CUX2: variants seen among roughly 807,000 people sequenced by gnomAD.
The protein encoded by CUX2 is homeobox protein cut-like 2.
In CUX2, 40 loss-of-function variants were observed where a neutral mutation model predicts 144.8. That is an observed-to-expected ratio of 0.28 (90% CI 0.21 to 0.36). The LOEUF (loss-of-function observed/expected upper bound fraction) is 0.36. Ranked by LOEUF, CUX2 falls within the 10% of genes least tolerant of loss-of-function variation. The pLI, the probability that CUX2 is intolerant of heterozygous loss-of-function variation, is 1.00. For missense variants in CUX2, 1,615 were observed against 1,994.0 expected (o/e 0.81, Z 3.62); for synonymous variants, 827 against 875.6 (o/e 0.94, Z 0.98).
chr12:111,134,731 A>C (rs955101635), intron 1 of CUX2, among the ~76,000 whole-genome samples: 1 of 152,050 alleles, frequency 6.6e-6, no homozygotes, highest in Non-Finnish European at 1.5e-5. Context: ...GCCCAGGGAG[A>C]CCAACTGAAT....
intron 1 of CUX2, among the ~76,000 whole-genome samples, chr12:111,161,275 A>G (rs966344611): frequency 6.6e-6 from 1 of 152,144 alleles, no homozygotes; most frequent in Non-Finnish European, 1.5e-5. Flanking sequence ...ACTCAGCCCA[A>G]AATGAACCAG....
intron 1 of CUX2, among the ~76,000 whole-genome samples, chr12:111,132,757 G>A (rs1428465203): frequency 6.6e-6 from 1 of 151,656 alleles, no homozygotes; most frequent in African/African-American, 2.4e-5. Flanking sequence ...TATTAGAGAT[G>A]GGGTTTCACC....
chr12:111,142,853 G>A (rs956570159), intron 1 of CUX2, among the ~76,000 whole-genome samples: 1 of 152,108 alleles, frequency 6.6e-6, no homozygotes, highest in Non-Finnish European at 1.5e-5. Flanking sequence ...AGCTGCAGCT[G>A]GGGGAGGCAG....
intron 3 of CUX2, among the ~76,000 whole-genome samples, chr12:111,238,185 A>C (rs1177065846): frequency 6.6e-6 from 1 of 152,214 alleles, no homozygotes; most frequent in Non-Finnish European, 1.5e-5. Context: ...ACCTTTTACA[A>C]CGCTTAGCAC....
chr12:111,329,217 T>C (rs1397099476), intron 18 of CUX2, among the ~76,000 whole-genome samples: 4 of 151,002 alleles, frequency 2.6e-5, no homozygotes. Context: ...CAGACTGGGA[T>C]GGGTTGGTCA....
At chr12:111,345,876 G>A (rs559112109) in intron 21 of CUX2, among the ~76,000 whole-genome samples, 95 of 148,092 alleles carry the variant, frequency 6.4e-4, no homozygotes, top group African/African-American at 2.3e-3. Flanking sequence ...TTGGGAGGCC[G>A]AGGCTGGTGG....
intron 18 of CUX2, among the ~76,000 whole-genome samples, chr12:111,329,735 A>C (rs1888006447): frequency 6.6e-6 from 1 of 152,152 alleles, no homozygotes; most frequent in Non-Finnish European, 1.5e-5. Context: ...TCCCAGGTTC[A>C]ACCAATTCTC....
chr12:111,090,440 T>G (rs1156916127), intron 1 of CUX2, among the ~76,000 whole-genome samples: 2 of 152,138 alleles, frequency 1.3e-5, no homozygotes, highest in Admixed American at 6.5e-5. Flanking sequence ...ATTTTTTGTA[T>G]TTTTAGTAGA....
intron 3 of CUX2, among the ~76,000 whole-genome samples, chr12:111,223,190 A>G (rs1881943180): frequency 6.6e-6 from 1 of 152,112 alleles, no homozygotes; most frequent in African/African-American, 2.4e-5. Context: ...GTGAGACACC[A>G]TCCCTGCCCT....
At chr12:111,065,899 G>A (rs753534374) in intron 1 of CUX2, among the ~76,000 whole-genome samples, 33 of 152,180 alleles carry the variant, frequency 2.2e-4, no homozygotes, top group Non-Finnish European at 4.0e-4. Context: ...AGGTGATTCT[G>A]ATCCATACTC....
At chr12:111,104,428 C>T (rs1464703609) in intron 1 of CUX2, among the ~76,000 whole-genome samples, 1 of 152,150 alleles carries the variant, frequency 6.6e-6, no homozygotes, top group Non-Finnish European at 1.5e-5. Flanking sequence ...TTCTGAACCC[C>T]ATCATTTGCA....
At chr12:111,124,533 C>T (rs1263777555) in intron 1 of CUX2, among the ~76,000 whole-genome samples, 1 of 152,138 alleles carries the variant, frequency 6.6e-6, no homozygotes, top group Non-Finnish European at 1.5e-5. Context: ...CAGATCATTT[C>T]TTTATGGCCA....
At chr12:111,242,709 G>T (rs1238579331) in intron 3 of CUX2, among the ~76,000 whole-genome samples, 1 of 152,176 alleles carries the variant, frequency 6.6e-6, no homozygotes, top group African/African-American at 2.4e-5. Flanking sequence ...AGGTACTCCA[G>T]AGGCTGAGGC....
At chr12:111,249,420 T>G (rs1186370319) in intron 3 of CUX2, among the ~76,000 whole-genome samples, 1 of 150,466 alleles carries the variant, frequency 6.6e-6, no homozygotes, top group Admixed American at 6.6e-5. Context: ...TTTTTTTTTT[T>G]TTTAAATTAA....
intron 3 of CUX2, among the ~76,000 whole-genome samples, chr12:111,235,501 T>C (rs1882695822): frequency 6.6e-6 from 1 of 151,940 alleles, no homozygotes; most frequent in Admixed American, 6.6e-5. Context: ...GGCTGGTGGA[T>C]CATGAGGTCG....
intron 1 of CUX2, among the ~76,000 whole-genome samples, chr12:111,111,273 GTC>G (rs1323957306): frequency 4.6e-5 from 7 of 152,080 alleles, no homozygotes; most frequent in African/African-American, 1.7e-4. Context: ...CTGCACTCCA[GTC>G]TGGGTGACAG....
At chr12:111,241,212 C>T (rs926484969) in intron 3 of CUX2, among the ~76,000 whole-genome samples, 1 of 152,104 alleles carries the variant, frequency 6.6e-6, no homozygotes, top group Non-Finnish European at 1.5e-5. Flanking sequence ...GGAAGCAAGA[C>T]TCTTTCACAA....
intron 4 of CUX2, among the ~76,000 whole-genome samples, chr12:111,272,651 A>C (rs1421382764): frequency 6.6e-6 from 1 of 152,040 alleles, no homozygotes; most frequent in Non-Finnish European, 1.5e-5. Flanking sequence ...TTTAGTAGAG[A>C]CAAGGTTTCA....
intron 1 of CUX2, among the ~76,000 whole-genome samples, chr12:111,181,151 C>A (rs985424221): frequency 1.3e-5 from 2 of 152,250 alleles, no homozygotes; most frequent in Non-Finnish European, 2.9e-5. Context: ...GGGAAGCCGC[C>A]TTTGGGGTGG....
Sources: allele counts gnomAD v4.1 joint callset (sites outside exome capture counted in the v4.1 genomes callset), GRCh38; gene constraint gnomAD v4.1.1; transcripts MANE v1.5; gene names NCBI Gene and HGNC (gene_info 2026-07-23, HGNC 2026-07-21).